KLF8: variants seen among roughly 807,000 people sequenced by gnomAD.
The protein encoded by KLF8 is Krueppel-like factor 8.
Under a neutral mutation model 18.2 loss-of-function variants are expected in KLF8, and 10 were observed. The ratio of observed to expected loss-of-function variants is 0.55; its 90% confidence interval spans 0.34 to 0.93. The LOEUF is 0.93. KLF8 is among the 40% of genes least tolerant of loss of function. The pLI, the probability that KLF8 is intolerant of heterozygous loss-of-function variation, is 0.02. For synonymous variants in KLF8, 109 were observed against 97.3 expected (o/e 1.12, Z -0.71); for missense variants, 264 against 277.9 (o/e 0.95, Z 0.36).
chrX:56,119,992 C>T, the KLF8 span, among the ~76,000 whole-genome samples: 1 of 105,717 alleles, frequency 9.5e-6, no homozygotes, highest in African/African-American at 3.4e-5. Context: ...TTTAGAAAGG[C>T]TATATATATA....
Position 56,232,967 on chromosome X carries a change from G to T in KLF8, c.-368G>T. ...GAGGACCTTAAGCTCTGGCCACTTC[G>T]GCCCAGCGAACCCACTTTATTTTTG... On this transcript the variant is annotated 5_prime_UTR_variant, in exon 1 of 6. Transcript: ENST00000468660. The T allele has an allele frequency of 8.2e-6, 2 of 245,363 alleles. No individual in the cohort carries two copies. Among genetic ancestry groups the T allele is most frequent in the Admixed American group, 1.0e-4 (2 of 19,669 alleles). The allele number at this position is 245,363 out of a possible 1,213,427, so 20.2% of individuals were successfully genotyped here.
chrX:56,137,658 T>C, the KLF8 span, among the ~76,000 whole-genome samples: 1 of 104,240 alleles, frequency 9.6e-6, no homozygotes. Context: ...TGCTAGATGA[T>C]GAGTTAATGG....
At chrX:56,074,852 A>T in the KLF8 span, 1 of 112,967 alleles carries the variant, frequency 8.9e-6, no homozygotes, top group East Asian at 2.8e-4. Flanking sequence ...ATCACATTGA[A>T]TCTGTAGATT....
At chrX:56,079,839 G>A in the KLF8 span, among the ~76,000 whole-genome samples, 1 of 110,795 alleles carries the variant, frequency 9.0e-6, no homozygotes, top group South Asian at 3.9e-4. Flanking sequence ...CTCCTGTATT[G>A]GATGCATATA....
the KLF8 span, among the ~76,000 whole-genome samples, chrX:56,065,635 T>C: frequency 8.9e-6 from 1 of 112,070 alleles, no homozygotes; most frequent in South Asian, 3.7e-4. Flanking sequence ...TGTGTCCTTA[T>C]GTTGATATCT....
the KLF8 span, among the ~76,000 whole-genome samples, chrX:55,974,777 C>T: frequency 8.9e-6 from 1 of 112,247 alleles, no homozygotes; most frequent in African/African-American, 3.2e-5. Flanking sequence ...AACAAGCTTT[C>T]TGTAAAGAAT....
intron 2 of KLF8, among the ~76,000 whole-genome samples, chrX:56,257,589 C>T (rs2066816051): frequency 1.8e-5 from 2 of 111,648 alleles, no homozygotes; most frequent in African/African-American, 6.5e-5. Context: ...GTTTAGCTCT[C>T]ATAAATAAGA....
the KLF8 span, among the ~76,000 whole-genome samples, chrX:56,027,778 G>A: frequency 8.9e-6 from 1 of 112,678 alleles, no homozygotes; most frequent in African/African-American, 3.2e-5. Flanking sequence ...ACACAGTTGT[G>A]TTCAACAGGG....
the KLF8 span, among the ~76,000 whole-genome samples, chrX:55,940,786 A>G: frequency 9.0e-6 from 1 of 111,690 alleles, no homozygotes; most frequent in Non-Finnish European, 1.9e-5. Flanking sequence ...TGCTTCAAAG[A>G]GAATAAAATA....
At chrX:56,181,319 G>C in the KLF8 span, among the ~76,000 whole-genome samples, 1 of 110,736 alleles carries the variant, frequency 9.0e-6, no homozygotes, top group Non-Finnish European at 1.9e-5. Flanking sequence ...TTTCTTGGTA[G>C]ATCTTCCTCC....
At chrX:56,222,623 G>A in the KLF8 span, among the ~76,000 whole-genome samples, 2 of 112,972 alleles carry the variant, frequency 1.8e-5, no homozygotes, top group Non-Finnish European at 3.8e-5. Context: ...GCCCTTGGGC[G>A]GTCGATGGGA....
chrX:56,040,335 C>A, the KLF8 span, among the ~76,000 whole-genome samples: 1 of 111,825 alleles, frequency 8.9e-6, no homozygotes, highest in Non-Finnish European at 1.9e-5. Context: ...AGATTTTTCC[C>A]ATTCAGTATG....
chrX:56,050,206 T>G, the KLF8 span, among the ~76,000 whole-genome samples: 2 of 111,622 alleles, frequency 1.8e-5, no homozygotes, highest in East Asian at 5.6e-4. Flanking sequence ...TGTTGATCCT[T>G]TCAAAAAACC....
the KLF8 span, among the ~76,000 whole-genome samples, chrX:55,991,059 T>C: frequency 6.2e-5 from 7 of 112,190 alleles, no homozygotes; most frequent in African/African-American, 9.7e-5. Context: ...CTGCGGAGTT[T>C]TCTGCTGCTT....
intron 3 of KLF8, chrX:56,266,321 T>G: frequency 1.3e-6 from 1 of 752,307 alleles, no homozygotes; most frequent in Non-Finnish European, 1.6e-6. Flanking sequence ...CCCTGTGTTC[T>G]TCCTCATTTG....
At chrX:55,934,274 A>G in the KLF8 span, among the ~76,000 whole-genome samples, 1 of 111,646 alleles carries the variant, frequency 9.0e-6, no homozygotes, top group African/African-American at 3.3e-5. Context: ...ATGGGGTTTA[A>G]TTAAGATTTT....
the KLF8 span, among the ~76,000 whole-genome samples, chrX:56,013,678 T>C: frequency 9.0e-6 from 1 of 111,346 alleles, no homozygotes; most frequent in Non-Finnish European, 1.9e-5. Flanking sequence ...TGAGATCTGA[T>C]GGTTTTCTAA....
the KLF8 span, among the ~76,000 whole-genome samples, chrX:55,913,583 C>T: frequency 9.0e-6 from 1 of 111,497 alleles, no homozygotes; most frequent in Admixed American, 9.6e-5. Context: ...AGGCCTAGAA[C>T]AGATTCTTCC....
chrX:56,058,269 CATATAT>C, the KLF8 span, among the ~76,000 whole-genome samples: 1 of 15,959 alleles, frequency 6.3e-5, no homozygotes, highest in Non-Finnish European at 1.2e-4. Flanking sequence ...CATATATATA[CATATAT>C]ATACATATAT....
Sources: gnomAD v4.1 joint callset for allele counts (sites outside exome capture counted in the v4.1 genomes callset) on GRCh38, gnomAD v4.1.1 for gene constraint, MANE v1.5 for transcripts, NCBI Gene and HGNC (gene_info 2026-07-23, HGNC 2026-07-21) for gene names.